ITGA11: variants seen among roughly 807,000 people sequenced by gnomAD.
ITGA11 encodes integrin alpha-11.
Under a neutral mutation model 141.9 loss-of-function variants are expected in ITGA11, and 97 were observed. The ratio of observed to expected loss-of-function variants is 0.68; its 90% CI spans 0.58 to 0.81. The LOEUF (loss-of-function observed/expected upper bound fraction) is 0.81, where lower values mean the gene tolerates loss of function less well. Ranked by LOEUF, ITGA11 falls within the 30% of genes least tolerant of loss-of-function variation. ITGA11 has a pLI of 0.00. For synonymous variants in ITGA11, 658 were observed against 624.6 expected (o/e 1.05, Z -0.80); for missense variants, 1,387 against 1,559.2 (o/e 0.89, Z 1.86).
chr15:68,313,928 A>G, intron 22 of ITGA11, 60 bp from the exon 23 acceptor site: 1 of 1,346,484 alleles, frequency 7.4e-7, no homozygotes, highest in Non-Finnish European at 1.1e-6. Flanking sequence ...GGCAGCGGGA[A>G]GGGTCTGAGG....
At chr15:68,319,075 G>A (rs114485534) in intron 20 of ITGA11, among the ~76,000 whole-genome samples, 2,103 of 152,312 alleles carry the variant, frequency 0.014, 51 homozygotes, top group African/African-American at 0.048. Flanking sequence ...GATGCTATGC[G>A]GGCTGGAGGG....
chr15:68,311,548 C>T lies in ITGA11; in HGVS notation c.2974-145G>A, dbSNP rs1595851592. 18 of 623,918 alleles carry T rather than the reference C, an allele frequency of 2.9e-5. No individual in the cohort carries two copies. In the South Asian group the frequency reaches 3.0e-4, roughly 10 times the overall value. 38.6% of individuals were successfully genotyped at this position (623,918 alleles called of 1,614,324 possible). A position where few individuals can be genotyped will look rare whatever the true frequency, so the allele number is the denominator to read the frequency against. ...CCACTCAAGACCCCTGGTGTTTTCA[C>T]CATGGAAGCTCCTAAGCTCTGTCAA... On this transcript the variant is annotated intron_variant, in intron 24 of 29. Coordinates refer to ENST00000315757, the MANE Select transcript of ITGA11 (RefSeq NM_001004439.2).
intron 1 of ITGA11, among the ~76,000 whole-genome samples, chr15:68,420,487 T>A (rs531878909): frequency 6.6e-6 from 1 of 152,202 alleles, no homozygotes; most frequent in African/African-American, 2.4e-5. Flanking sequence ...TTGTAAGCGA[T>A]GCTCAATGGC....
At chr15:68,351,110 CTTG>C in intron 8 of ITGA11, 145 bp downstream of exon 8, 2 of 852,754 alleles carry the variant, frequency 2.3e-6, no homozygotes, top group East Asian at 2.7e-5. Flanking sequence ...AGATCCTCAA[CTTG>C]TTGTTCAGAA....
intron 3 of ITGA11, chr15:68,365,372 G>C: frequency 1.0e-6 from 1 of 984,306 alleles, no homozygotes. Flanking sequence ...TCTGAAGGAG[G>C]CTGCCAAGAG....
At chr15:68,318,092 G>A (rs1893657161) in intron 20 of ITGA11, among the ~76,000 whole-genome samples, 1 of 152,186 alleles carries the variant, frequency 6.6e-6, no homozygotes, top group Admixed American at 6.5e-5. Context: ...TTGGCTGGAT[G>A]TTGGGGAGAG....
At chr15:68,309,404 T>C (rs1893306023) in intron 26 of ITGA11, among the ~76,000 whole-genome samples, 1 of 152,120 alleles carries the variant, frequency 6.6e-6, no homozygotes, top group Non-Finnish European at 1.5e-5. Flanking sequence ...TCCTGCTCGC[T>C]CCTCTCAAAG....
intron 2 of ITGA11, among the ~76,000 whole-genome samples, chr15:68,392,143 A>G (rs1896136500): frequency 6.6e-6 from 1 of 152,200 alleles, no homozygotes; most frequent in Non-Finnish European, 1.5e-5. Context: ...AGAAACACAG[A>G]ATTCTATGGG....
intron 2 of ITGA11, among the ~76,000 whole-genome samples, chr15:68,386,972 G>A (rs1008036207): frequency 1.3e-5 from 2 of 152,084 alleles, no homozygotes; most frequent in Admixed American, 6.5e-5. Context: ...TCTCACCCAT[G>A]TCTATCAGAG....
intron 21 of ITGA11, among the ~76,000 whole-genome samples, chr15:68,316,447 C>T (rs1322368363): frequency 6.6e-6 from 1 of 152,252 alleles, no homozygotes; most frequent in Non-Finnish European, 1.5e-5. Context: ...CCTCAGCGGC[C>T]CCTTCTCTGC....
At chr15:68,396,966 A>T (rs1159444270) in intron 2 of ITGA11, among the ~76,000 whole-genome samples, 465 of 4,098 alleles carry the variant, frequency 0.11, 171 homozygotes, top group East Asian at 0.43. Flanking sequence ...TTATATAATA[A>T]ATAATATATT....
At position 68,400,687 on chromosome 15, in the gene ITGA11, T is replaced by TTATATATTATATAATAA. The variant is rs1896461054; in HGVS notation, c.164+2230_164+2231insTTATTATATAATATATA. On this transcript the variant is annotated intron_variant, in intron 2 of 29. Coordinates refer to ENST00000315757, the MANE Select transcript of ITGA11 (RefSeq NM_001004439.2). ...ATATTATATATTATATAATAAATAT[T>TTATATATTATATAATAA]ATATTATATATTATATAATAAATAT... Among the ~76,000 whole-genome samples the TTATATATTATATAATAA allele has an allele frequency of 2.0e-4, 7 of 34,188 alleles. 1 individual carries two copies. Among genetic ancestry groups the TTATATATTATATAATAA allele is most frequent in the African/African-American group, 1.3e-3 (7 of 5,452 alleles). The allele number at this position is 34,188 out of a possible 152,430, so 22.4% of individuals were successfully genotyped here. A position where few individuals can be genotyped will look rare whatever the true frequency, so the allele number is the denominator to read the frequency against.
rs574276907 is a variant in ITGA11 at position 68,304,011 on chromosome 15, G to T, written c.3382-126C>A. 1.7e-6 allele frequency: 1 copy of T among 605,006 alleles called. No homozygotes were observed. Among genetic ancestry groups the T allele is most frequent in the Non-Finnish European group, 3.0e-6 (1 of 336,030 alleles). 37.5% of individuals were successfully genotyped at this position (605,006 alleles called of 1,614,324 possible). A position where few individuals can be genotyped will look rare whatever the true frequency, so the allele number is the denominator to read the frequency against. On this transcript the variant is annotated intron_variant, in intron 28 of 29. Transcript: ENST00000315757. This position sits in a 1 kb window ranked among gnomAD's most constrained non-coding sequence, Gnocchi z 6.1. The stretch of plus-strand genomic sequence containing the variant: ...GGAGCTGCATCCTCTTCCTCAGGGG[G>T]ATACCAGAGGGATGGGTGGACAGGC...
intron 1 of ITGA11, among the ~76,000 whole-genome samples, chr15:68,423,684 ACGG>A (rs1293034139): frequency 1.3e-5 from 2 of 152,164 alleles, no homozygotes. Context: ...CCTCACTTTG[ACGG>A]CTGTGGAGAA....
At chr15:68,310,898 G>T in intron 26 of ITGA11, 96 bp downstream of exon 26, 3 of 899,004 alleles carry the variant, frequency 3.3e-6, no homozygotes, top group Non-Finnish European at 3.5e-6. Flanking sequence ...AGCTCTTATT[G>T]GCAAGCTATT....
At chr15:68,314,824 G>A (rs571991755) in intron 22 of ITGA11, among the ~76,000 whole-genome samples, 4 of 152,280 alleles carry the variant, frequency 2.6e-5, no homozygotes, top group East Asian at 1.9e-4. Context: ...AGTCCCCAGC[G>A]CTTATGTGAC....
rs1335755473 is a variant in ITGA11, at chr15:68,328,777, C to T, written c.1902-515G>A. ...CAGATTTTGATCCAATAGCTTGGCA[C>T]TGATTTTGCATTTCTAACAAGATCC... On this transcript the variant is annotated intron_variant, in intron 15 of 29. Transcript: ENST00000315757. This position sits in a 1 kb window ranked among gnomAD's most constrained non-coding sequence, Gnocchi z 4.8. 1.3e-5 allele frequency among the ~76,000 whole-genome samples: 2 copies of T among 152,176 alleles called. No homozygotes were observed. The highest frequency in any genetic ancestry group is 4.8e-5 in the African/African-American group (2 of 41,440).
At chr15:68,404,216 C>G (rs1896583407) in intron 1 of ITGA11, among the ~76,000 whole-genome samples, 1 of 152,132 alleles carries the variant, frequency 6.6e-6, no homozygotes. Context: ...CCTTCCTCTG[C>G]AAGCCTGAGG....
At chr15:68,352,190 G>GT (rs796359057) in intron 7 of ITGA11, among the ~76,000 whole-genome samples, 1,523 of 138,336 alleles carry the variant, frequency 0.011, 15 homozygotes, top group African/African-American at 0.013. Flanking sequence ...CTGGATATTA[G>GT]TTTTTTTTTT....
Sources: gnomAD v4.1 joint callset for allele counts (sites outside exome capture counted in the v4.1 genomes callset) on GRCh38, gnomAD v4.1.1 for gene constraint, Gnocchi (gnomAD v3.1) non-coding constraint, MANE v1.5 for transcripts, NCBI Gene and HGNC (gene_info 2026-07-23, HGNC 2026-07-21) for gene names.